Variants in SLC35D1 observed in about 807,000 individuals in gnomAD.
SLC35D1 encodes nucleotide sugar transporter SLC35D1.
In SLC35D1, 31 loss-of-function variants were observed where a neutral mutation model predicts 46.7. That is an observed-to-expected ratio of 0.66 (90% confidence interval 0.50 to 0.90). SLC35D1 has a LOEUF of 0.90. Ranked by LOEUF, SLC35D1 falls within the 40% of genes least tolerant of loss-of-function variation. SLC35D1 has a pLI of 0.00. For synonymous variants in SLC35D1, 195 were observed against 164.6 expected, an observed-to-expected ratio of 1.18 and a Z score of -1.41; for missense variants, 397 against 426.2, an observed-to-expected ratio of 0.93 and a Z score of 0.60.
the SLC35D1 span, among the ~76,000 whole-genome samples, chr1:66,991,330 A>G: frequency 6.6e-6 from 1 of 152,138 alleles, no homozygotes; most frequent in Non-Finnish European, 1.5e-5. Flanking sequence ...GGCTGGGGAG[A>G]AGAGAAGAAA....
At chr1:67,008,530 G>A (rs530491630) in intron 11 of SLC35D1, 8 of 1,087,458 alleles carry the variant, frequency 7.4e-6, no homozygotes, top group Middle Eastern at 2.4e-4. Flanking sequence ...TGAATGGAAC[G>A]TGCCGAACTG....
chr1:66,976,683 G>A, the SLC35D1 span: 2 of 1,605,468 alleles, frequency 1.2e-6, no homozygotes, highest in Non-Finnish European at 8.5e-7. Flanking sequence ...CAGCAAACAC[G>A]ATTTGGAAAG....
Position 67,052,770 on chromosome 1 carries a change from C to A in SLC35D1, c.324+1G>T. On this transcript the variant is annotated splice_donor_variant, in intron 3 of 11. Transcript: ENST00000235345. LOFTEE classifies it high-confidence loss of function. The stretch of plus-strand genomic sequence containing the variant: ...ATAAAGTATCGCTTTTCTTCTTTTA[C>A]CTTTCGAGGTACATTTCTGTCAAGG... 22 of 1,614,020 alleles carry A rather than the reference C, an allele frequency of 1.4e-5. No homozygotes were observed. The highest frequency in any genetic ancestry group is 1.9e-5 in the Non-Finnish European group (22 of 1,179,912).
intron 8 of SLC35D1, among the ~76,000 whole-genome samples, chr1:67,023,252 C>A (rs552028696): frequency 4.6e-5 from 7 of 152,280 alleles, no homozygotes; most frequent in African/African-American, 1.7e-4. Context: ...AACTGCCAAG[C>A]TGTTTTCCAA....
At position 67,004,153 on chromosome 1, in the gene SLC35D1, A is replaced by C. The variant is rs562671787; in HGVS notation, c.*187T>G. On this transcript the variant is annotated 3_prime_UTR_variant, in exon 12 of 12. Coordinates refer to ENST00000235345, the MANE Select transcript of SLC35D1 (RefSeq NM_015139.3). ...TTAATTCAAACAACATATTTAAAAT[A>C]GAGTCAATTATAAGTTTCTCTCTTC... The C allele has an allele frequency of 1.7e-6, 1 of 600,412 alleles. No individual in the cohort carries two copies. Among genetic ancestry groups the C allele is most frequent in the South Asian group, 1.9e-5 (1 of 53,870 alleles). 37.2% of individuals were successfully genotyped at this position (600,412 alleles called of 1,614,324 possible).
chr1:66,977,334 T>TC, the SLC35D1 span, among the ~76,000 whole-genome samples: 1 of 152,226 alleles, frequency 6.6e-6, no homozygotes, highest in East Asian at 1.9e-4. Flanking sequence ...GGTCTTGAAC[T>TC]CCTGACCTCA....
At chr1:66,979,562 A>T in the SLC35D1 span, among the ~76,000 whole-genome samples, 2 of 152,190 alleles carry the variant, frequency 1.3e-5, no homozygotes, top group African/African-American at 4.8e-5. Flanking sequence ...ACTAAACATT[A>T]ACTCAGCATA....
intron 10 of SLC35D1, among the ~76,000 whole-genome samples, chr1:67,013,478 C>G (rs1453595955): frequency 6.6e-6 from 1 of 151,820 alleles, no homozygotes; most frequent in Non-Finnish European, 1.5e-5. Flanking sequence ...TAAATTGAGC[C>G]CGGGAGGTCA....
At chr1:67,007,577 C>T (rs114706392) in intron 11 of SLC35D1, among the ~76,000 whole-genome samples, 145 of 152,222 alleles carry the variant, frequency 9.5e-4, no homozygotes, top group Non-Finnish European at 1.6e-3. Context: ...ATTACTGACT[C>T]GATCATTATC....
chr1:66,973,607 ATTTGT>A, the SLC35D1 span, among the ~76,000 whole-genome samples: 5 of 151,970 alleles, frequency 3.3e-5, no homozygotes, highest in African/African-American at 7.2e-5. Flanking sequence ...TTACTTACAG[ATTTGT>A]TTTGGGGCTT....
the SLC35D1 span, chr1:66,986,269 G>T: frequency 8.4e-6 from 12 of 1,432,774 alleles, no homozygotes; most frequent in Non-Finnish European, 8.2e-6. Context: ...TTATCCATCT[G>T]CATAGCCTTG....
intron 8 of SLC35D1, among the ~76,000 whole-genome samples, chr1:67,029,711 C>G (rs1482106735): frequency 1.3e-5 from 2 of 152,088 alleles, no homozygotes; most frequent in African/African-American, 4.8e-5. Context: ...TTTAATACAC[C>G]CACACACCTG....
At chr1:67,011,472 T>C (rs1667565156) in intron 10 of SLC35D1, among the ~76,000 whole-genome samples, 1 of 152,104 alleles carries the variant, frequency 6.6e-6, no homozygotes. Context: ...TCAGTTCCTT[T>C]TTCCTCTCCA....
chr1:67,036,503 C>T (rs2102328900), intron 8 of SLC35D1, among the ~76,000 whole-genome samples: 1 of 152,148 alleles, frequency 6.6e-6, no homozygotes, highest in Admixed American at 6.5e-5. Flanking sequence ...TCCTCTTGCT[C>T]AATTTACCCC....
chr1:67,003,447 C>T lies in SLC35D1; in HGVS notation c.*893G>A, dbSNP rs41302768. ...GTTCTTAATCCAATTTACAGATTTG[C>T]GGCTTTTGAGTGCTGAAACAACTTA... On this transcript the variant is annotated 3_prime_UTR_variant, in exon 12 of 12. Coordinates refer to ENST00000235345, the MANE Select transcript of SLC35D1 (RefSeq NM_015139.3). The T allele has an allele frequency of 4.4e-3, 664 of 152,288 alleles. 2 individuals carry two copies. Among genetic ancestry groups the T allele is most frequent in the Non-Finnish European group, 7.3e-3 (500 of 68,030 alleles). The allele number at this position is 152,288 out of a possible 1,614,324, so 9.4% of individuals were successfully genotyped here.
intron 7 of SLC35D1, among the ~76,000 whole-genome samples, chr1:67,045,824 G>A (rs550428573): frequency 5.2e-4 from 79 of 152,266 alleles, no homozygotes; most frequent in African/African-American, 1.8e-3. Context: ...ATGGAAAGCA[G>A]AAATATAAAT....
rs1232252402 is a variant in SLC35D1 at position 67,047,321 on chromosome 1, T to C, written c.580A>G (p.Asn194Asp). ...CCATTTGCTGCTGTTAGGACATCGT[T>C]TATCAGAATAAAAGCATATCCTTCC... ...DLEGYAFILI[N>D]DVLTAANGAY... Residue 194 changes from asparagine (N) to aspartate (D), a missense_variant, in exon 7 of 12, where the codon AAC becomes GAC. Coordinates refer to ENST00000235345, the MANE Select transcript of SLC35D1 (RefSeq NM_015139.3). The C allele has an allele frequency of 6.2e-7, 1 of 1,613,492 alleles. No homozygotes were observed. Among genetic ancestry groups the C allele is most frequent in the Admixed American group, 1.7e-5 (1 of 60,024 alleles).
At chr1:66,990,278 T>C in the SLC35D1 span, among the ~76,000 whole-genome samples, 5 of 152,274 alleles carry the variant, frequency 3.3e-5, no homozygotes, top group African/African-American at 9.6e-5. Flanking sequence ...ACATCTGCAA[T>C]TTTTCTTTTT....
At chr1:66,999,228 A>C (rs1025661620), downstream of SLC35D1, 1 of 152,300 alleles carries the variant, frequency 6.6e-6, no homozygotes, top group East Asian at 1.9e-4. Context: ...TCAGTCATAC[A>C]TACTATTCAT....
Sources: gnomAD v4.1 joint callset for allele counts (sites outside exome capture counted in the v4.1 genomes callset) on GRCh38, gnomAD v4.1.1 for gene constraint, MANE v1.5 for transcripts, NCBI Gene and HGNC (gene_info 2026-07-23, HGNC 2026-07-21) for gene names.